SV2C: variants seen among roughly 807,000 people sequenced by gnomAD.
SV2C encodes solute carrier family 22 member B3.
A neutral mutation model predicts 79.7 loss-of-function variants in SV2C; 49 were observed. The ratio of observed to expected loss-of-function variants is 0.61; its 90% confidence interval spans 0.49 to 0.78. The LOEUF is 0.78. Ranked by LOEUF, SV2C falls within the 30% of genes least tolerant of loss-of-function variation. The pLI, the probability that SV2C is intolerant of heterozygous loss-of-function variation, is 0.00. For missense variants in SV2C, 833 were observed against 912.9 expected, an observed-to-expected ratio of 0.91 and a Z score of 1.13; for synonymous variants, 334 against 333.2, an observed-to-expected ratio of 1.00 and a Z score of -0.03.
chr5:76,227,752 T>C (rs1745296412), intron 4 of SV2C, among the ~76,000 whole-genome samples: 1 of 152,154 alleles, frequency 6.6e-6, no homozygotes, highest in African/African-American at 2.4e-5. Flanking sequence ...GACAGTTCCA[T>C]CTAGTTCTGA....
At chr5:76,209,984 A>G in intron 4 of SV2C, 97 bp downstream of exon 4, 1 of 1,364,552 alleles carries the variant, frequency 7.3e-7, no homozygotes, top group Non-Finnish European at 9.8e-7. Context: ...ACTTTGAGAA[A>G]AACTACTCAT....
chr5:76,015,338 C>T, the SV2C span, among the ~76,000 whole-genome samples: 6 of 152,234 alleles, frequency 3.9e-5, no homozygotes, highest in East Asian at 1.2e-3. Context: ...AAAATAAAGC[C>T]CACTGAAATT....
chr5:76,346,882 T>C (rs532750721), intron 12 of SV2C, among the ~76,000 whole-genome samples: 3 of 152,322 alleles, frequency 2.0e-5, no homozygotes, highest in African/African-American at 7.2e-5. Flanking sequence ...AGCTTGCTGC[T>C]AGACACTGCC....
At chr5:76,272,233 A>G (rs1249468219) in intron 4 of SV2C, among the ~76,000 whole-genome samples, 1 of 152,198 alleles carries the variant, frequency 6.6e-6, no homozygotes, top group Non-Finnish European at 1.5e-5. Flanking sequence ...GAAATATTAT[A>G]GCCCGCTCTG....
the SV2C span, among the ~76,000 whole-genome samples, chr5:76,034,445 A>G: frequency 5.3e-5 from 8 of 152,092 alleles, no homozygotes; most frequent in African/African-American, 1.7e-4. Context: ...TTTATTGAGA[A>G]TTTTTAGCAT....
the SV2C span, among the ~76,000 whole-genome samples, chr5:75,898,536 G>T: frequency 6.6e-6 from 1 of 151,914 alleles, no homozygotes; most frequent in African/African-American, 2.4e-5. Context: ...TCTCTTTTTT[G>T]GTTGTGTCTC....
At chr5:76,003,068 T>C in the SV2C span, among the ~76,000 whole-genome samples, 100 of 152,186 alleles carry the variant, frequency 6.6e-4, 1 homozygote, top group Middle Eastern at 3.4e-3. Context: ...CAAGATCTGA[T>C]GGTTTTATAA....
At chr5:76,078,255 G>C in the SV2C span, among the ~76,000 whole-genome samples, 1 of 152,182 alleles carries the variant, frequency 6.6e-6, no homozygotes, top group Non-Finnish European at 1.5e-5. Context: ...GGTTGTGGGA[G>C]AGCAGCCTCT....
the SV2C span, among the ~76,000 whole-genome samples, chr5:75,883,307 G>C: frequency 0.011 from 1,520 of 141,690 alleles, 24 homozygotes; most frequent in African/African-American, 0.04. Context: ...TCTAGAACTA[G>C]AAATACCATT....
chr5:75,877,901 A>G, the SV2C span, among the ~76,000 whole-genome samples: 1 of 151,904 alleles, frequency 6.6e-6, no homozygotes, highest in Non-Finnish European at 1.5e-5. Context: ...GAAAATGAAG[A>G]CACAACATAC....
intron 12 of SV2C, among the ~76,000 whole-genome samples, chr5:76,316,308 G>A (rs918814099): frequency 6.6e-6 from 1 of 152,164 alleles, no homozygotes; most frequent in Non-Finnish European, 1.5e-5. Context: ...ACATCCCTGG[G>A]AAGACAGCAG....
At chr5:76,232,530 T>C (rs1281150263) in intron 4 of SV2C, among the ~76,000 whole-genome samples, 1 of 150,586 alleles carries the variant, frequency 6.6e-6, no homozygotes, top group Non-Finnish European at 1.5e-5. Flanking sequence ...ATGTCCTGAA[T>C]GGTAATGCCT....
At chr5:76,216,265 T>G (rs530163936) in intron 4 of SV2C, among the ~76,000 whole-genome samples, 1 of 152,162 alleles carries the variant, frequency 6.6e-6, no homozygotes, top group South Asian at 2.1e-4. Flanking sequence ...CATCTGAAGG[T>G]TCCCAACATG....
At chr5:76,257,284 T>TA (rs769973469) in intron 4 of SV2C, among the ~76,000 whole-genome samples, 1 of 142,502 alleles carries the variant, frequency 7.0e-6, no homozygotes, top group Non-Finnish European at 1.5e-5. Flanking sequence ...TGTGTGTGTG[T>TA]GTGTGTAGTG....
the SV2C span, among the ~76,000 whole-genome samples, chr5:75,992,128 G>A: frequency 6.6e-5 from 10 of 151,846 alleles, no homozygotes; most frequent in Admixed American, 2.0e-4. Context: ...TTTATAATAC[G>A]GAGCTTTCCT....
At chr5:76,118,115 G>A (rs747682675) in intron 1 of SV2C, among the ~76,000 whole-genome samples, 1 of 152,200 alleles carries the variant, frequency 6.6e-6, no homozygotes, top group Non-Finnish European at 1.5e-5. Context: ...CTGGAGGCCA[G>A]AGTCCCAAAC....
At chr5:75,970,747 A>G in the SV2C span, among the ~76,000 whole-genome samples, 6 of 152,164 alleles carry the variant, frequency 3.9e-5, no homozygotes, top group Admixed American at 2.0e-4. Flanking sequence ...CCAGAGGTAC[A>G]TGGAGGAACT....
rs185914203 is a variant in SV2C, at chr5:76,090,011, A to T, written c.-102+6499A>T. On this transcript the variant is annotated intron_variant, in intron 1 of 12. Transcript: ENST00000502798. The stretch of plus-strand genomic sequence containing the variant: ...TGTAAAATGAGAGGATACCTTTTTG[A>T]TGTATAAAATTCCACTTTGTTTTCA... 1.2e-4 allele frequency among the ~76,000 whole-genome samples: 18 copies of T among 152,312 alleles called. No individual in the cohort carries two copies. The East Asian group carries it at 3.3e-3, about 28-fold the overall frequency.
At chr5:76,073,503 G>GTCTA in the SV2C span, among the ~76,000 whole-genome samples, 1 of 67,450 alleles carries the variant, frequency 1.5e-5, no homozygotes, top group South Asian at 5.6e-4. Context: ...GTATGTGTGT[G>GTCTA]TATATATATA....
Sources: gnomAD v4.1 joint callset for allele counts (sites outside exome capture counted in the v4.1 genomes callset) on GRCh38, gnomAD v4.1.1 for gene constraint, MANE v1.5 for transcripts, NCBI Gene and HGNC (gene_info 2026-07-23, HGNC 2026-07-21) for gene names.